The following HYLS1 variants were observed in gnomAD, a reference collection of about 807,000 sequenced individuals.
HYLS1 encodes HYLS1 centriolar and ciliogenesis associated.
In HYLS1, 25 loss-of-function variants were observed where a neutral mutation model predicts 29.4. The observed-to-expected ratio is 0.85, with a 90% CI of 0.62 to 1.19. The LOEUF is 1.19. HYLS1 is among the 50% of genes most tolerant of loss of function. HYLS1 has a pLI of 0.00. For missense variants in HYLS1, 352 were observed against 365.1 expected, an observed-to-expected ratio of 0.96 and a Z score of 0.29; for synonymous variants, 128 against 126.7, an observed-to-expected ratio of 1.01 and a Z score of -0.07.
intron 2 of HYLS1, chr11:125,895,571 G>A: frequency 6.2e-7 from 1 of 1,614,202 alleles, no homozygotes; most frequent in African/African-American, 1.3e-5. Flanking sequence ...CAGCACGAGG[G>A]AAAAAATAGC....
In HYLS1 at chr11:125,899,786, T is replaced by A; in HGVS notation, c.418T>A (p.Phe140Ile). The A allele has an allele frequency of 6.2e-7, 1 of 1,614,162 alleles. No individual in the cohort carries two copies. Among genetic ancestry groups the A allele is most frequent in the East Asian group, 2.2e-5 (1 of 44,890 alleles). Residue 140 changes from phenylalanine (F) to isoleucine (I), a missense_variant, in exon 3 of 3, where the codon TTC (phenylalanine) becomes ATC (isoleucine). By Grantham distance (21) the Phe-to-Ile change is conservative. Transcript: ENST00000425380. ...AAGACAAAGGCTGATGAATGTACAG[T>A]TCCAGGAAGACAAGGAATCTTCATT... ...DLRQRLMNVQ[F>I]QEDKESSFDV...
At chr11:125,895,924 C>T in intron 2 of HYLS1, 1 of 1,613,214 alleles carries the variant, frequency 6.2e-7, no homozygotes, top group South Asian at 1.1e-5. Flanking sequence ...AAGGCACTAA[C>T]TCCTTTATCT....
chr11:125,895,892 T>C, intron 2 of HYLS1: 1 of 1,607,656 alleles, frequency 6.2e-7, no homozygotes, highest in Non-Finnish European at 8.5e-7. Context: ...TGAGAAACAG[T>C]GTATTGGCCC....
rs546782019 is a variant in HYLS1, at chr11:125,898,207, G to A, written c.-25-1137G>A. On this transcript the variant is annotated intron_variant, in intron 2 of 2. Coordinates refer to ENST00000425380, the MANE Select transcript of HYLS1 (RefSeq NM_001134793.2). The stretch of plus-strand genomic sequence containing the variant: ...GAAAATCCTTGCTTAAAATTATCAT[G>A]TGCATGTATTAGTTTTTCAGTTTAA... 2.0e-5 allele frequency among the ~76,000 whole-genome samples: 3 copies of A among 152,244 alleles called. No individual in the cohort carries two copies. In the South Asian group the frequency reaches 6.2e-4, roughly 32 times the overall value.
At chr11:125,892,216 GTAAAA>G (rs1944429252) in intron 2 of HYLS1, among the ~76,000 whole-genome samples, 1 of 152,118 alleles carries the variant, frequency 6.6e-6, no homozygotes, top group Non-Finnish European at 1.5e-5. Flanking sequence ...GTCATCATAG[GTAAAA>G]TAAACAAGAA....
upstream of HYLS1, chr11:125,883,949 A>G (rs1193282051): frequency 6.6e-6 from 1 of 152,252 alleles, no homozygotes; most frequent in Non-Finnish European, 1.5e-5. Context: ...AAAGAAGTTG[A>G]TGAGTTGATA....
chr11:125,888,649 G>C (rs1256248056), intron 1 of HYLS1, among the ~76,000 whole-genome samples: 1 of 151,740 alleles, frequency 6.6e-6, no homozygotes, highest in African/African-American at 2.4e-5. Context: ...GGCGCCTGTA[G>C]TCCCAGCTCC....
chr11:125,890,690 C>T (rs1259808459), intron 1 of HYLS1, among the ~76,000 whole-genome samples: 1 of 152,188 alleles, frequency 6.6e-6, no homozygotes. Flanking sequence ...TCTGTGTTTA[C>T]AGAATACAAG....
upstream of HYLS1, among the ~76,000 whole-genome samples, chr11:125,886,026 A>C (rs568211880): frequency 6.6e-6 from 1 of 151,826 alleles, no homozygotes; most frequent in South Asian, 2.1e-4. Context: ...TATATGTTAC[A>C]ATATAATAAT....
intron 2 of HYLS1, chr11:125,894,229 C>G (rs570619511): frequency 6.2e-7 from 1 of 1,613,064 alleles, no homozygotes; most frequent in African/African-American, 1.3e-5. Context: ...GGTCATAGAT[C>G]CACTTGACAT....
intron 2 of HYLS1, chr11:125,894,247 C>CT: frequency 6.2e-7 from 1 of 1,612,786 alleles, no homozygotes; most frequent in Non-Finnish European, 8.5e-7. Context: ...CATTTTCAAA[C>CT]TTACAGTCAT....
At chr11:125,890,802 TA>T (rs1410241443) in intron 1 of HYLS1, among the ~76,000 whole-genome samples, 6 of 152,196 alleles carry the variant, frequency 3.9e-5, no homozygotes, top group Non-Finnish European at 8.8e-5. Flanking sequence ...TGGACCTTAT[TA>T]AAGTTTCTAT....
rs1158848450 is a variant in HYLS1, at chr11:125,900,428, C to T, written c.*160C>T. On this transcript the variant is annotated 3_prime_UTR_variant, in exon 3 of 3. Transcript: ENST00000425380. The stretch of plus-strand genomic sequence containing the variant: ...TCCTAGCTATATATCACATTGGTAT[C>T]AGATGATACTTCCAAATTGCCACTC... 5 of 662,266 alleles carry T rather than the reference C, an allele frequency of 7.5e-6. No homozygotes were observed. The African/African-American group carries it at 9.2e-5, about 12-fold the overall frequency. 41.0% of individuals were successfully genotyped at this position (662,266 alleles called of 1,614,324 possible). A position where few individuals can be genotyped will look rare whatever the true frequency, so the allele number is the denominator to read the frequency against.
intron 2 of HYLS1, chr11:125,894,378 G>T: frequency 9.9e-7 from 1 of 1,005,736 alleles, no homozygotes; most frequent in Non-Finnish European, 1.5e-6. Context: ...AAGGGAGCCG[G>T]GTAGGGCGCC....
chr11:125,899,483 G>A lies in HYLS1; in HGVS notation c.115G>A (p.Val39Ile), dbSNP rs765839543. The change falls in exon 3 of 3, where the codon GTC (valine) becomes ATC (isoleucine). Residue 39 changes from valine to isoleucine, a missense_variant. By Grantham distance (29) the Val-to-Ile change is conservative (BLOSUM62 3). Coordinates refer to ENST00000425380, the MANE Select transcript of HYLS1 (RefSeq NM_001134793.2). ...HICAGQGEGD[V>I]RREAQSIQYD... ...CTGTGCAGGGCAGGGTGAAGGAGATGTCAGGAGAGAAGCCCAATCTATCCA... is the reference window on the plus strand; with the variant it reads ...CTGTGCAGGGCAGGGTGAAGGAGATATCAGGAGAGAAGCCCAATCTATCCA... 14 of 1,614,208 alleles carry A rather than the reference G, an allele frequency of 8.7e-6. No homozygotes were observed. Among genetic ancestry groups the A allele is most frequent in the Non-Finnish European group, 1.2e-5 (14 of 1,180,040 alleles).
At chr11:125,896,895 A>G (rs1236548295) in intron 2 of HYLS1, among the ~76,000 whole-genome samples, 1 of 152,236 alleles carries the variant, frequency 6.6e-6, no homozygotes, top group Non-Finnish European at 1.5e-5. Flanking sequence ...AGTAGAAGCT[A>G]GAGACAAGAT....
chr11:125,890,606 C>G (rs1306223340), intron 1 of HYLS1, among the ~76,000 whole-genome samples: 2 of 152,166 alleles, frequency 1.3e-5, no homozygotes, highest in Non-Finnish European at 2.9e-5. Context: ...TTGATTGTAA[C>G]TAGCTAACCC....
intron 2 of HYLS1, chr11:125,893,715 A>ATTTT: frequency 2.9e-6 from 3 of 1,041,860 alleles, no homozygotes; most frequent in Non-Finnish European, 3.9e-6. Context: ...TTGCAAGTAA[A>ATTTT]TTTTTTTTTT....
chr11:125,899,017 C>A, intron 2 of HYLS1: 1 of 211,144 alleles, frequency 4.7e-6, no homozygotes. Flanking sequence ...CCCTAAGTAC[C>A]TGTTACATAA....
Sources: gnomAD v4.1 joint callset for allele counts (sites outside exome capture counted in the v4.1 genomes callset) on GRCh38, gnomAD v4.1.1 for gene constraint, MANE v1.5 for transcripts, NCBI Gene and HGNC (gene_info 2026-07-23, HGNC 2026-07-21) for gene names.